The following PLPPR1 variants were observed in gnomAD, a reference collection of about 807,000 sequenced individuals.
PLPPR1 encodes the protein phospholipid phosphatase-related protein type 1.
In PLPPR1, 10 loss-of-function variants were observed where a neutral mutation model predicts 33.1. That is an observed-to-expected ratio of 0.30 (90% CI 0.19 to 0.51). The LOEUF (loss-of-function observed/expected upper bound fraction) is 0.51, where lower values mean the gene tolerates loss of function less well. Ranked by LOEUF, PLPPR1 falls within the 20% of genes least tolerant of loss-of-function variation. The pLI is 0.97. For missense variants in PLPPR1, 304 were observed against 408.1 expected, an observed-to-expected ratio of 0.74 and a Z score of 2.20; for synonymous variants, 151 against 151.0, an observed-to-expected ratio of 1.00 and a Z score of 0.00.
At chr9:101,238,520 A>C (rs1337963040) in intron 2 of PLPPR1, among the ~76,000 whole-genome samples, 1 of 151,370 alleles carries the variant, frequency 6.6e-6, no homozygotes, top group Non-Finnish European at 1.5e-5. Flanking sequence ...TCCTAAGTGA[A>C]ATAACTCAGA....
intron 4 of PLPPR1, among the ~76,000 whole-genome samples, chr9:101,288,842 A>G (rs964016752): frequency 3.9e-5 from 6 of 152,210 alleles, no homozygotes; most frequent in South Asian, 2.1e-4. Context: ...TTGTCTCCCT[A>G]TATCTTGTTT....
At chr9:101,127,678 T>C (rs1831262988) in intron 1 of PLPPR1, among the ~76,000 whole-genome samples, 1 of 152,188 alleles carries the variant, frequency 6.6e-6, no homozygotes, top group Non-Finnish European at 1.5e-5. Context: ...CGAGGGATTT[T>C]ATGCCCTGGC....
intron 1 of PLPPR1, among the ~76,000 whole-genome samples, chr9:101,143,770 T>C (rs887609341): frequency 2.6e-5 from 4 of 152,084 alleles, no homozygotes; most frequent in Non-Finnish European, 5.9e-5. Context: ...CATTAAAAAG[T>C]CAGGAAACAA....
At chr9:101,284,948 T>G (rs1156835868) in intron 3 of PLPPR1, among the ~76,000 whole-genome samples, 1 of 152,292 alleles carries the variant, frequency 6.6e-6, no homozygotes, top group African/African-American at 2.4e-5. Context: ...AGTGTGGACT[T>G]TGGAATCCAA....
intron 1 of PLPPR1, among the ~76,000 whole-genome samples, chr9:101,059,514 A>G (rs1207293168): frequency 2.6e-5 from 4 of 152,146 alleles, no homozygotes. Flanking sequence ...TTATGGCTGT[A>G]AAGTAATGAG....
chr9:101,265,718 CG>C (rs1226639718), intron 2 of PLPPR1, among the ~76,000 whole-genome samples: 1 of 151,916 alleles, frequency 6.6e-6, no homozygotes, highest in Non-Finnish European at 1.5e-5. Context: ...CACAGGAGGC[CG>C]GGTACGGTGG....
Position 101,192,046 on chromosome 9 carries a change from T to C in PLPPR1, c.63+6489T>C, listed in dbSNP as rs114932738. ...AAATAATATGAAGTTCAGCAAGAAC[T>C]TGATGATTTCGAGTGTCTTTCTCTG... On this transcript the variant is annotated intron_variant, in intron 2 of 7. Coordinates refer to ENST00000374874, the MANE Select transcript of PLPPR1 (RefSeq NM_207299.2). Among the ~76,000 whole-genome samples, 1,165 of 152,328 alleles carry C rather than the reference T, an allele frequency of 7.6e-3. 14 individuals carry two copies. Among genetic ancestry groups the C allele is most frequent in the African/African-American group, 0.024 (1,016 of 41,560 alleles).
At position 101,263,856 on chromosome 9, in the gene PLPPR1, T is replaced by C. The variant is rs563109316; in HGVS notation, c.64-6024T>C. Among the ~76,000 whole-genome samples, 215 of 152,294 alleles carry C rather than the reference T, an allele frequency of 1.4e-3. 1 individual carries two copies. The highest frequency in any genetic ancestry group is 4.8e-3 in the African/African-American group (198 of 41,560). On this transcript the variant is annotated intron_variant, in intron 2 of 7. Transcript: ENST00000374874. ...GGTGTTTAAAACAGTTCCTGGGACA[T>C]GCACAATATAACATTATCATCTCTG...
chr9:101,188,793 T>G (rs1164518080), intron 2 of PLPPR1, among the ~76,000 whole-genome samples: 1 of 152,124 alleles, frequency 6.6e-6, no homozygotes, highest in African/African-American at 2.4e-5. Flanking sequence ...CTGAAGTTCA[T>G]CAATAGCTCC....
intron 2 of PLPPR1, among the ~76,000 whole-genome samples, chr9:101,193,374 T>C (rs570887882): frequency 6.6e-6 from 1 of 152,252 alleles, no homozygotes; most frequent in East Asian, 1.9e-4. Context: ...AAAGACCCAA[T>C]CTGACTCTGG....
intron 1 of PLPPR1, among the ~76,000 whole-genome samples, chr9:101,032,222 T>C (rs1458777269): frequency 6.6e-6 from 1 of 150,670 alleles, no homozygotes; most frequent in Admixed American, 6.6e-5. Flanking sequence ...TTCAATTTTA[T>C]GGGGAAGGCT....
intron 1 of PLPPR1, among the ~76,000 whole-genome samples, chr9:101,060,077 A>G (rs916584694): frequency 4.6e-5 from 7 of 152,194 alleles, no homozygotes; most frequent in Admixed American, 3.9e-4. Context: ...CTAAGTTATC[A>G]TCAATGGATG....
At chr9:101,265,601 G>A (rs1441400496) in intron 2 of PLPPR1, among the ~76,000 whole-genome samples, 1 of 152,190 alleles carries the variant, frequency 6.6e-6, no homozygotes, top group Non-Finnish European at 1.5e-5. Flanking sequence ...CTAATTGTGT[G>A]GCATCATCAG....
chr9:101,299,447 A>T (rs1187445426), intron 4 of PLPPR1, among the ~76,000 whole-genome samples: 1 of 152,178 alleles, frequency 6.6e-6, no homozygotes, highest in Non-Finnish European at 1.5e-5. Flanking sequence ...AGAAATTGTG[A>T]TGAGGTTACT....
chr9:101,255,865 T>C (rs1171576560), intron 2 of PLPPR1, among the ~76,000 whole-genome samples: 1 of 152,188 alleles, frequency 6.6e-6, no homozygotes, highest in East Asian at 1.9e-4. Context: ...TCTATGTGAA[T>C]GATTAAAGGG....
chr9:101,136,177 G>A (rs1220573290), intron 1 of PLPPR1, among the ~76,000 whole-genome samples: 2 of 152,110 alleles, frequency 1.3e-5, no homozygotes, highest in Non-Finnish European at 2.9e-5. Flanking sequence ...GGAATTAGTG[G>A]GGAATAATTA....
intron 2 of PLPPR1, among the ~76,000 whole-genome samples, chr9:101,224,873 TTCCTCCAGTTGCTGGGA>T (rs1827029916): frequency 6.6e-6 from 1 of 152,166 alleles, no homozygotes; most frequent in Non-Finnish European, 1.5e-5. Flanking sequence ...CCAGGGCTGG[TTCCTCCAGTTGCTGGGA>T]TGAATAATAT....
At chr9:101,061,132 A>G (rs569950746) in intron 1 of PLPPR1, among the ~76,000 whole-genome samples, 73 of 152,050 alleles carry the variant, frequency 4.8e-4, no homozygotes, top group Admixed American at 7.9e-4. Flanking sequence ...TTGAGGTGAT[A>G]GATTCTGCTC....
intron 2 of PLPPR1, among the ~76,000 whole-genome samples, chr9:101,199,550 C>CTGT (rs1826458186): frequency 6.6e-6 from 1 of 152,176 alleles, no homozygotes; most frequent in Non-Finnish European, 1.5e-5. Flanking sequence ...GATGCATGAT[C>CTGT]TGTTGGATAT....
Sources: allele counts gnomAD v4.1 joint callset (sites outside exome capture counted in the v4.1 genomes callset), GRCh38; gene constraint gnomAD v4.1.1; transcripts MANE v1.5; gene names NCBI Gene and HGNC (gene_info 2026-07-23, HGNC 2026-07-21).